Variants in NDRG2 observed in about 807,000 individuals in gnomAD.
The protein encoded by NDRG2 is protein NDRG2.
A neutral mutation model predicts 58.2 loss-of-function variants in NDRG2; 34 were observed. That is an observed-to-expected ratio of 0.58 (90% confidence interval 0.44 to 0.78). NDRG2 has a LOEUF of 0.78. NDRG2 is among the 30% of genes least tolerant of loss of function. The probability of loss-of-function intolerance (pLI) is 0.00; values close to 1 mark genes in which losing one functional copy is unlikely to be tolerated. For synonymous variants in NDRG2, 187 were observed against 175.9 expected (o/e 1.06, Z -0.50); for missense variants, 434 against 471.2 (o/e 0.92, Z 0.73).
At position 21,036,149 on chromosome 14, in the gene NDRG2, C is replaced by T. The variant is rs1396202790; in HGVS notation, c.25-12828G>A. 1.1e-5 allele frequency: 5 copies of T among 455,544 alleles called. No individual in the cohort carries two copies. The East Asian group carries it at 3.5e-4, about 32-fold the overall frequency. 28.2% of individuals were successfully genotyped at this position (455,544 alleles called of 1,614,324 possible). Reference sequence around the variant, plus strand: ...GTCACACAGCCCTGACAATCTTAAACTTTTCCCAAGCCCATCTCTTCCATT... The same window carrying T: ...GTCACACAGCCCTGACAATCTTAAATTTTTCCCAAGCCCATCTCTTCCATT... On this transcript the variant is annotated intron_variant, in intron 1 of 14. Coordinates refer to the NDRG2 transcript ENST00000403829.
At chr14:21,022,285 A>G in intron 4 of NDRG2, 103 bp from the exon 5 acceptor site, 2 of 1,577,504 alleles carry the variant, frequency 1.3e-6, no homozygotes, top group Non-Finnish European at 1.7e-6. Flanking sequence ...ACCAGGAGAG[A>G]ACTTCTCCTT....
chr14:21,021,962 G>A, intron 5 of NDRG2, 83 bp from the exon 6 acceptor site: 5 of 1,611,460 alleles, frequency 3.1e-6, no homozygotes, highest in Non-Finnish European at 3.4e-6. Flanking sequence ...TTCTCTCCCA[G>A]AATAACCACT....
At chr14:21,019,383 A>AAGGACAC (rs1878800458) in intron 10 of NDRG2, among the ~76,000 whole-genome samples, 1 of 152,180 alleles carries the variant, frequency 6.6e-6, no homozygotes, top group Admixed American at 6.5e-5. Context: ...AAAGGGGAGG[A>AAGGACAC]AGGACACAGG....
intron 1 of NDRG2, among the ~76,000 whole-genome samples, chr14:21,061,578 T>C (rs1885964054): frequency 6.6e-6 from 1 of 151,642 alleles, no homozygotes; most frequent in Non-Finnish European, 1.5e-5. Context: ...GGGTGTGTTC[T>C]CTGGGCCCCT....
intron 1 of NDRG2, chr14:21,031,317 T>C (rs1442329582): frequency 2.8e-6 from 3 of 1,059,020 alleles, no homozygotes; most frequent in African/African-American, 1.6e-5. Context: ...CAGGAAAATG[T>C]GGCCCAGAGA....
chr14:21,060,150 A>G (rs1448127920), intron 1 of NDRG2, among the ~76,000 whole-genome samples: 1 of 152,204 alleles, frequency 6.6e-6, no homozygotes, highest in Non-Finnish European at 1.5e-5. Context: ...GCTATGATTC[A>G]GAGTAAGGAA....
intron 12 of NDRG2, 86 bp downstream of exon 12, chr14:21,018,677 G>C (rs1008133446): frequency 3.1e-6 from 5 of 1,600,492 alleles, no homozygotes; most frequent in African/African-American, 1.3e-5. Flanking sequence ...TGCCAAACAG[G>C]ACATCCCCTT....
chr14:21,043,307 C>T (rs747299477), intron 1 of NDRG2: 1 of 1,614,182 alleles, frequency 6.2e-7, no homozygotes, highest in East Asian at 2.2e-5. Flanking sequence ...GGGCCGTGTC[C>T]CTGACCATGT....
chr14:21,024,963 A>C lies in NDRG2; in HGVS notation c.-940T>G, dbSNP rs1237462596. On this transcript the variant is annotated 5_prime_UTR_variant, in exon 1 of 16. Coordinates refer to ENST00000556147, the MANE Select transcript of NDRG2 (RefSeq NM_001320329.2). The stretch of plus-strand genomic sequence containing the variant: ...CAGCTCCAGGGGACGCGGATCAATC[A>C]CACCGCCCGCCGGCCCGGCTGGCGC... 1.0e-6 allele frequency: 1 copy of C among 985,152 alleles called. No homozygotes were observed. Among genetic ancestry groups the C allele is most frequent in the Non-Finnish European group, 1.2e-6 (1 of 830,004 alleles). The allele number at this position is 985,152 out of a possible 1,614,324, so 61.0% of individuals were successfully genotyped here.
chr14:21,020,306 AAAAAG>A, intron 8 of NDRG2, 185 bp downstream of exon 8: 7 of 582,034 alleles, frequency 1.2e-5, no homozygotes, highest in Admixed American at 3.0e-5. Context: ...AAAAAAAAAA[AAAAAG>A]AAAAAGAAAA....
intron 1 of NDRG2, among the ~76,000 whole-genome samples, chr14:21,065,166 T>C (rs556684807): frequency 9.6e-4 from 143 of 148,914 alleles, no homozygotes; most frequent in African/African-American, 3.5e-3. Flanking sequence ...CAAAACTCCA[T>C]CTCAAAAAAA....
chr14:21,031,025 C>A, intron 1 of NDRG2: 1 of 1,609,676 alleles, frequency 6.2e-7, no homozygotes, highest in Non-Finnish European at 8.5e-7. Context: ...CAAGAACGCC[C>A]GAACCATCAC....
intron 1 of NDRG2, chr14:21,031,142 G>T (rs373475785): frequency 1.9e-6 from 3 of 1,613,864 alleles, no homozygotes; most frequent in Non-Finnish European, 2.5e-6. Context: ...GGAGGGCAAA[G>T]ACCCAGCCAC....
chr14:21,020,438 C>T, intron 8 of NDRG2, 58 bp downstream of exon 8: 7 of 1,358,898 alleles, frequency 5.2e-6, no homozygotes, highest in Non-Finnish European at 7.2e-6. Context: ...CAGAGCCTAA[C>T]TGGATCCATA....
intron 1 of NDRG2, among the ~76,000 whole-genome samples, chr14:21,055,931 G>A (rs967402348): frequency 2.0e-5 from 3 of 152,134 alleles, no homozygotes; most frequent in African/African-American, 7.2e-5. Flanking sequence ...TCTGGGTAAT[G>A]TTTTCCTGGG....
intron 6 of NDRG2, chr14:21,021,177 G>A (rs535678743): frequency 9.8e-5 from 48 of 490,572 alleles, no homozygotes; most frequent in Admixed American, 1.4e-4. Flanking sequence ...AGTTCAACTT[G>A]TTCTGCTTTA....
chr14:21,050,264 A>G (rs1462604303), intron 1 of NDRG2, among the ~76,000 whole-genome samples: 9 of 152,226 alleles, frequency 5.9e-5, no homozygotes, highest in Non-Finnish European at 1.3e-4. Flanking sequence ...ACAGTACATG[A>G]GGAATTGATG....
At position 21,019,640 on chromosome 14, in the gene NDRG2, T is replaced by G; in HGVS notation, c.715A>C (p.Asn239His). Residue 239 changes from asparagine (N) to histidine (H), a missense_variant and splice_region_variant, in exon 10 of 16, where the codon AAC becomes CAC. By Grantham distance (68) the Asn-to-His change is moderately conservative. Coordinates refer to ENST00000556147, the MANE Select transcript of NDRG2 (RefSeq NM_001320329.2). ...TGCATACACACACAGCCCACCCACT[T>G]GTTGTAGCTGTTCCAGTACAATTCA... ...NIELYWNSYN[N>H]RRDLNFERGG... is the part of the protein sequence containing the mutation. 6.2e-7 allele frequency: 1 copy of G among 1,604,808 alleles called. No homozygotes were observed. Among genetic ancestry groups the G allele is most frequent in the Non-Finnish European group, 8.5e-7 (1 of 1,172,238 alleles).
chr14:21,041,898 G>A (rs574242545), intron 1 of NDRG2, among the ~76,000 whole-genome samples: 78 of 152,188 alleles, frequency 5.1e-4, no homozygotes, highest in African/African-American at 1.5e-3. Flanking sequence ...CATCTCCTCC[G>A]AAAGATAACC....
Sources: gnomAD v4.1 joint callset for allele counts (sites outside exome capture counted in the v4.1 genomes callset) on GRCh38, gnomAD v4.1.1 for gene constraint, MANE v1.5 for transcripts, NCBI Gene and HGNC (gene_info 2026-07-23, HGNC 2026-07-21) for gene names.